Variants in URI1 observed in about 807,000 individuals in gnomAD.
URI1 encodes URI1 prefoldin like chaperone, also known as unconventional prefoldin RPB5 interactor 1.
In URI1, 39 loss-of-function variants were observed where a neutral mutation model predicts 60.2. That is an observed-to-expected ratio of 0.65 (90% CI 0.50 to 0.85). The LOEUF (loss-of-function observed/expected upper bound fraction) is 0.85, where lower values mean the gene tolerates loss of function less well. Among genes scored for constraint, URI1 ranks in the 40% least tolerant of loss-of-function variants. URI1 has a pLI of 0.00. For synonymous variants in URI1, 251 were observed against 236.8 expected (o/e 1.06, Z -0.55); for missense variants, 691 against 665.9 (o/e 1.04, Z -0.42).
chr19:29,938,487 C>T (rs898410143), upstream of URI1, among the ~76,000 whole-genome samples: 3 of 152,078 alleles, frequency 2.0e-5, no homozygotes, highest in Non-Finnish European at 2.9e-5. Flanking sequence ...TTAGGGATCA[C>T]GTTTCAACAT....
At position 30,015,994 on chromosome 19, in the gene URI1, A is replaced by G. The variant is rs1285940286; in HGVS notation, c.*925A>G. The G allele has an allele frequency of 6.3e-6, 1 of 157,520 alleles. No homozygotes were observed. Among genetic ancestry groups the G allele is most frequent in the Non-Finnish European group, 1.4e-5 (1 of 71,856 alleles). 9.8% of individuals were successfully genotyped at this position (157,520 alleles called of 1,614,324 possible). A position where few individuals can be genotyped will look rare whatever the true frequency, so the allele number is the denominator to read the frequency against. On this transcript the variant is annotated 3_prime_UTR_variant, in exon 11 of 11. Coordinates refer to ENST00000392271, the MANE Select transcript of URI1 (RefSeq NM_003796.3). ...ACATTTACTTTTACCACAATTCCTC[A>G]AAATAAATTTATTCTAACATTGAAA... is the stretch of plus-strand genomic sequence containing the variant.
At chr19:29,978,697 G>C (rs1274730083) in intron 2 of URI1, among the ~76,000 whole-genome samples, 3 of 152,172 alleles carry the variant, frequency 2.0e-5, no homozygotes, top group Non-Finnish European at 4.4e-5. Context: ...GTGGGTATCA[G>C]TGTAAGACCT....
upstream of URI1, chr19:29,937,560 G>A (rs1198283231): frequency 2.6e-5 from 4 of 152,182 alleles, no homozygotes; most frequent in Admixed American, 2.0e-4. Context: ...TGTTTGTTTA[G>A]AGACTTTTCC....
At chr19:29,945,186 T>C (rs1402012599) in intron 1 of URI1, among the ~76,000 whole-genome samples, 2 of 152,238 alleles carry the variant, frequency 1.3e-5, no homozygotes, top group South Asian at 2.1e-4. Flanking sequence ...ACCTACCTAG[T>C]TGGCTGTAGA....
At chr19:29,971,340 ATTC>A (rs2055457613) in intron 2 of URI1, 113 bp downstream of exon 2, 5 of 1,023,002 alleles carry the variant, frequency 4.9e-6, no homozygotes, top group Non-Finnish European at 3.0e-6. Flanking sequence ...TAGTAATTGA[ATTC>A]TTCTAGTAGT....
At chr19:29,973,816 G>T (rs762866519) in intron 2 of URI1, among the ~76,000 whole-genome samples, 4 of 152,112 alleles carry the variant, frequency 2.6e-5, no homozygotes, top group Admixed American at 6.6e-5. Flanking sequence ...TATTGGATGA[G>T]AATTTGTACA....
upstream of URI1, among the ~76,000 whole-genome samples, chr19:29,939,047 G>A (rs4805503): frequency 0.052 from 7,568 of 144,978 alleles, 369 homozygotes; most frequent in East Asian, 0.22. Context: ...GCATGATCTC[G>A]GCTCACTGCA....
chr19:30,005,456 A>T lies in URI1; in HGVS notation c.459+4A>T. On this transcript the variant is annotated splice_donor_region_variant and intron_variant, in intron 5 of 10. Coordinates refer to ENST00000392271, the MANE Select transcript of URI1 (RefSeq NM_003796.3). ...AGATTTGCAGAAAATGAGCGATGTG[A>T]GTATTTGTTTTTAGTCTTCTATATT... 2 of 1,587,736 alleles carry T rather than the reference A, an allele frequency of 1.3e-6. No individual in the cohort carries two copies. Among genetic ancestry groups the T allele is most frequent in the Non-Finnish European group, 1.7e-6 (2 of 1,170,208 alleles).
chr19:29,968,448 T>A (rs1396422217), intron 1 of URI1, among the ~76,000 whole-genome samples: 1 of 152,022 alleles, frequency 6.6e-6, no homozygotes, highest in Non-Finnish European at 1.5e-5. Flanking sequence ...AAGTAATTAA[T>A]CTGAGTCCCC....
chr19:29,946,702 A>C (rs2055107305), intron 1 of URI1, among the ~76,000 whole-genome samples: 1 of 152,174 alleles, frequency 6.6e-6, no homozygotes, highest in Admixed American at 6.5e-5. Context: ...CTTGTGATAA[A>C]CTAAACTGCA....
At chr19:29,990,574 T>G (rs961794671) in intron 4 of URI1, among the ~76,000 whole-genome samples, 1 of 152,206 alleles carries the variant, frequency 6.6e-6, no homozygotes, top group Non-Finnish European at 1.5e-5. Flanking sequence ...TAAAAAGATG[T>G]GTACCTTGAA....
chr19:29,959,849 TTCTC>T lies in URI1; in HGVS notation c.118-11340_118-11337del, dbSNP rs150935263. On this transcript the variant is annotated intron_variant, in intron 1 of 10. Coordinates refer to ENST00000392271, the MANE Select transcript of URI1 (RefSeq NM_003796.3). ...GTCTGCTTTCTACTTTACTGATTTC[TTCTC>T]TCTTTTTTCCTGTTTAAGATTTTCC... Among the ~76,000 whole-genome samples the T allele has an allele frequency of 4.8e-3, 730 of 152,252 alleles. 7 individuals carry two copies. Among genetic ancestry groups the T allele is most frequent in the African/African-American group, 0.017 (693 of 41,554 alleles).
At chr19:29,987,592 T>G (rs2055688139) in intron 4 of URI1, among the ~76,000 whole-genome samples, 1 of 152,224 alleles carries the variant, frequency 6.6e-6, no homozygotes, top group South Asian at 2.1e-4. Context: ...TCTCTTTATA[T>G]ACTGAAGTAG....
chr19:30,014,385 T>A (rs2056059895), intron 10 of URI1, among the ~76,000 whole-genome samples: 1 of 152,210 alleles, frequency 6.6e-6, no homozygotes, highest in Non-Finnish European at 1.5e-5. Flanking sequence ...GTAAAATATT[T>A]AAATAATTGC....
In URI1 at chr19:30,016,319, GA is replaced by G. The variant is rs2056085164; in HGVS notation, c.*1251del. The G allele has an allele frequency of 6.6e-6, 1 of 152,046 alleles. No homozygotes were observed. The highest frequency in any genetic ancestry group is 2.4e-5 in the African/African-American group (1 of 41,422). 9.4% of individuals were successfully genotyped at this position (152,046 alleles called of 1,614,324 possible). On this transcript the variant is annotated 3_prime_UTR_variant, in exon 11 of 11. Coordinates refer to ENST00000392271, the MANE Select transcript of URI1 (RefSeq NM_003796.3). ...CACTAGTTAATGGATAATTCAAACC[GA>G]GGACTGATTTTGAAAGATCACCTAA...
At position 29,942,557 on chromosome 19, in the gene URI1, C is replaced by T; in HGVS notation, c.10C>T (p.Pro4Ser). 1.4e-6 allele frequency: 2 copies of T among 1,417,310 alleles called. No homozygotes were observed. Among genetic ancestry groups the T allele is most frequent in the Non-Finnish European group, 1.8e-6 (2 of 1,086,524 alleles). The allele number at this position is 1,417,310 out of a possible 1,614,324, so 87.8% of individuals were successfully genotyped here. A position where few individuals can be genotyped will look rare whatever the true frequency, so the allele number is the denominator to read the frequency against. ...GGCCCGCGGGCCCGTCATGGAGGCG[C>T]CCACCGTGGAGACGCCCCCCGACCC... Reference protein sequence around the residue: MEAPTVETPPDPSP... With the variant: MEASTVETPPDPSP... The change falls in exon 1 of 11, where the codon CCC (proline) becomes TCC (serine). Residue 4 changes from proline to serine, a missense_variant. Transcript: ENST00000392271.
intron 9 of URI1, 125 bp from the exon 10 acceptor site, chr19:30,012,160 G>C: frequency 9.0e-7 from 1 of 1,115,760 alleles, no homozygotes. Context: ...GACTATTTTA[G>C]ATATAAGATT....
chr19:30,007,129 T>C (rs2055953796), intron 6 of URI1, among the ~76,000 whole-genome samples: 1 of 152,108 alleles, frequency 6.6e-6, no homozygotes, highest in African/African-American at 2.4e-5. Context: ...TGTGGCCATT[T>C]CTTATGCATT....
intron 1 of URI1, among the ~76,000 whole-genome samples, chr19:29,965,119 T>C (rs1192750735): frequency 1.3e-5 from 2 of 152,168 alleles, no homozygotes; most frequent in African/African-American, 2.4e-5. Flanking sequence ...CCAGCTGCTT[T>C]AGATGGTTGG....
Sources: gnomAD v4.1 joint callset for allele counts (sites outside exome capture counted in the v4.1 genomes callset) on GRCh38, gnomAD v4.1.1 for gene constraint, MANE v1.5 for transcripts, NCBI Gene and HGNC (gene_info 2026-07-23, HGNC 2026-07-21) for gene names.